PCDHGB4: variants seen among roughly 807,000 people sequenced by gnomAD.
PCDHGB4 encodes protocadherin gamma-B4.
Under a neutral mutation model 60.5 loss-of-function variants are expected in PCDHGB4, and 38 were observed. The ratio of observed to expected loss-of-function variants is 0.63; its 90% CI spans 0.48 to 0.82. The LOEUF is 0.82. Ranked by LOEUF, PCDHGB4 falls within the 40% of genes least tolerant of loss-of-function variation. PCDHGB4 has a pLI of 0.00. For synonymous variants in PCDHGB4, 456 were observed against 509.7 expected, an observed-to-expected ratio of 0.89 and a Z score of 1.42; for missense variants, 1,109 against 1,209.6, an observed-to-expected ratio of 0.92 and a Z score of 1.23.
In PCDHGB4 at chr5:141,485,186, G is replaced by T; in HGVS notation, c.2398-9621G>T. ...GCGGGCGGCAGCAATGCTCCGCAAG[G>T]TGAGAAGCTGGACAGAAATCTGGCG... On this transcript the variant is annotated intron_variant, in intron 1 of 3. Coordinates refer to ENST00000519479, the MANE Select transcript of PCDHGB4 (RefSeq NM_003736.4). This position sits in a 1 kb window ranked among gnomAD's most constrained non-coding sequence, Gnocchi z 5.7. 1 of 1,613,706 alleles carries T rather than the reference G, an allele frequency of 6.2e-7. No individual in the cohort carries two copies. The highest frequency in any genetic ancestry group is 8.5e-7 in the Non-Finnish European group (1 of 1,179,644).
intron 1 of PCDHGB4, chr5:141,394,860 G>C (rs750446579): frequency 5.0e-6 from 8 of 1,613,674 alleles, no homozygotes; most frequent in Non-Finnish European, 5.9e-6. Flanking sequence ...GCCTTCGGTC[G>C]ACCCGAACGA....
At position 141,431,735 on chromosome 5, in the gene PCDHGB4, G is replaced by A. The variant is rs2097411908; in HGVS notation, c.2397+41454G>A. 1.2e-6 allele frequency: 2 copies of A among 1,614,118 alleles called. No homozygotes were observed. Among genetic ancestry groups the A allele is most frequent in the Non-Finnish European group, 1.7e-6 (2 of 1,180,056 alleles). On this transcript the variant is annotated intron_variant, in intron 1 of 3. Transcript: ENST00000519479. The surrounding 1 kb of genome is among the most constrained non-coding windows in gnomAD (Gnocchi z 4.8). ...GGAAGTGCAAGCAATGGATAATGCAGGATATTCTGCGCGAGCCAAAGTCCT... is the reference window on the plus strand; with the variant it reads ...GGAAGTGCAAGCAATGGATAATGCAAGATATTCTGCGCGAGCCAAAGTCCT...
chr5:141,401,654 G>T (rs566223613), intron 1 of PCDHGB4, among the ~76,000 whole-genome samples: 52 of 152,328 alleles, frequency 3.4e-4, no homozygotes, highest in Middle Eastern at 3.4e-3. Flanking sequence ...TAAATGACTG[G>T]ATGTTTTCTC....
In PCDHGB4 at chr5:141,476,445, T is replaced by G. The variant is rs2099391853; in HGVS notation, c.2398-18362T>G. 1 of 1,613,956 alleles carries G rather than the reference T, an allele frequency of 6.2e-7. No individual in the cohort carries two copies. The highest frequency in any genetic ancestry group is 1.7e-5 in the Admixed American group (1 of 60,008). The stretch of plus-strand genomic sequence containing the variant: ...CCCTCTTGCACTGTAACTCTGGAGT[T>G]GGTAGTGGAGAACCCGCTGGAGCTG... On this transcript the variant is annotated intron_variant, in intron 1 of 3. Coordinates refer to ENST00000519479, the MANE Select transcript of PCDHGB4 (RefSeq NM_003736.4). This position sits in a 1 kb window ranked among gnomAD's most constrained non-coding sequence, Gnocchi z 7.6.
In PCDHGB4 at chr5:141,485,974, A is replaced by G. The variant is rs755735500; in HGVS notation, c.2398-8833A>G. 1.9e-6 allele frequency: 3 copies of G among 1,614,108 alleles called. No homozygotes were observed. The highest frequency in any genetic ancestry group is 1.7e-5 in the Admixed American group (1 of 60,014). On this transcript the variant is annotated intron_variant, in intron 1 of 3. Coordinates refer to ENST00000519479, the MANE Select transcript of PCDHGB4 (RefSeq NM_003736.4). This position sits in a 1 kb window ranked among gnomAD's most constrained non-coding sequence, Gnocchi z 5.7. ...TGGTGCTCATCCAGCTCAATGCCTC[A>G]GACCCGGACCTGGGTCCCAGTGGTA...
At chr5:141,439,202 A>AG (rs1348445707) in intron 1 of PCDHGB4, among the ~76,000 whole-genome samples, 2 of 151,954 alleles carry the variant, frequency 1.3e-5, no homozygotes, top group African/African-American at 4.8e-5. Context: ...AAAAAAAAAA[A>AG]AAATCCATAT....
Position 141,485,660 on chromosome 5 carries a change from G to A in PCDHGB4, c.2398-9147G>A. On this transcript the variant is annotated intron_variant, in intron 1 of 3. Transcript: ENST00000519479. The surrounding 1 kb of genome is among the most constrained non-coding windows in gnomAD (Gnocchi z 5.7). ...GGAAAAGGCTCAGGATGCAGATGTG[G>A]GGAGCAATTCGATTAGCAGCTATAG... is the stretch of plus-strand genomic sequence containing the variant. 1 of 1,612,716 alleles carries A rather than the reference G, an allele frequency of 6.2e-7. No individual in the cohort carries two copies. Among genetic ancestry groups the A allele is most frequent in the Non-Finnish European group, 8.5e-7 (1 of 1,178,898 alleles).
chr5:141,433,379 CTAT>C (rs2097594474), intron 1 of PCDHGB4, among the ~76,000 whole-genome samples: 1 of 151,230 alleles, frequency 6.6e-6, no homozygotes, highest in Non-Finnish European at 1.5e-5. Context: ...ATCTATCTAT[CTAT>C]CTATCTATCT....
chr5:141,432,681 G>A lies in PCDHGB4; in HGVS notation c.2397+42400G>A, dbSNP rs147073234. 2.4e-3 allele frequency: 3,845 copies of A among 1,613,930 alleles called. 12 individuals carry two copies. Among genetic ancestry groups the A allele is most frequent in the Admixed American group, 6.0e-3 (358 of 60,016 alleles). On this transcript the variant is annotated intron_variant, in intron 1 of 3. Coordinates refer to ENST00000519479, the MANE Select transcript of PCDHGB4 (RefSeq NM_003736.4). This position sits in a 1 kb window ranked among gnomAD's most constrained non-coding sequence, Gnocchi z 6.0. Reference sequence around the variant, plus strand: ...CTGGACAGAGACGCGCTCAAGCAGAGCCTCGTAGTGGCCGTCCAGGACCAC... The same window carrying A: ...CTGGACAGAGACGCGCTCAAGCAGAACCTCGTAGTGGCCGTCCAGGACCAC...
chr5:141,399,584 C>A (rs765946308), intron 1 of PCDHGB4: 34 of 1,613,904 alleles, frequency 2.1e-5, no homozygotes, highest in Non-Finnish European at 2.6e-5. Context: ...GTCTCCTACT[C>A]TATCATGGCC....
chr5:141,481,503 G>A (rs1006282101), intron 1 of PCDHGB4, among the ~76,000 whole-genome samples: 3 of 152,236 alleles, frequency 2.0e-5, no homozygotes, highest in African/African-American at 7.2e-5. Context: ...TGCATGGTAT[G>A]TGAATTATGT....
chr5:141,411,299 G>C (rs1020908131), intron 1 of PCDHGB4: 1 of 152,284 alleles, frequency 6.6e-6, no homozygotes, highest in Non-Finnish European at 1.5e-5. Context: ...GACAGGCCCA[G>C]TGGCTCACAC....
chr5:141,393,331 G>A (rs2092730399), intron 1 of PCDHGB4: 1 of 1,613,860 alleles, frequency 6.2e-7, no homozygotes. Flanking sequence ...TACCAGCTCA[G>A]CCCCAATCAC....
Position 141,389,177 on chromosome 5 carries a change from C to T in PCDHGB4, c.1293C>T (p.Ser431=). 6.2e-7 allele frequency: 1 copy of T among 1,614,052 alleles called. No homozygotes were observed. ...CAGATCGGGGCAAGCCTCCCCTCTCCTCCAGTTCCAGCATCACCCTGCACA... is the reference window on the plus strand; with the variant it reads ...CAGATCGGGGCAAGCCTCCCCTCTCTTCCAGTTCCAGCATCACCCTGCACA... ...TATDRGKPPL[S]SSSSITLHIG... Residue 431 remains serine, a synonymous_variant, in exon 1 of 4, where the codon TCC becomes TCT. Transcript: ENST00000519479.
intron 1 of PCDHGB4, chr5:141,423,431 G>T: frequency 6.2e-7 from 1 of 1,614,010 alleles, no homozygotes; most frequent in South Asian, 1.1e-5. Context: ...GGGTTGGCAG[G>T]TATGCCCACG....
At chr5:141,479,685 G>C (rs749895405) in intron 1 of PCDHGB4, 2 of 152,130 alleles carry the variant, frequency 1.3e-5, no homozygotes, top group Non-Finnish European at 2.9e-5. Context: ...AGTCTTTTTG[G>C]TGCCTCCAGT....
Position 141,490,192 on chromosome 5 carries a change from A to C in PCDHGB4, c.2398-4615A>C. 1 of 1,614,182 alleles carries C rather than the reference A, an allele frequency of 6.2e-7. No homozygotes were observed. Among genetic ancestry groups the C allele is most frequent in the South Asian group, 1.1e-5 (1 of 91,082 alleles). On this transcript the variant is annotated intron_variant, in intron 1 of 3. Coordinates refer to ENST00000519479, the MANE Select transcript of PCDHGB4 (RefSeq NM_003736.4). The surrounding 1 kb of genome is among the most constrained non-coding windows in gnomAD (Gnocchi z 5.4). Reference sequence around the variant, plus strand: ...CTTTGAGGAGTCACGTTTCTATGAAATTCATGCAAGAGCCCGTGACCAGGG... The same window carrying C: ...CTTTGAGGAGTCACGTTTCTATGAACTTCATGCAAGAGCCCGTGACCAGGG...
At chr5:141,438,914 C>T (rs1249997741) in intron 1 of PCDHGB4, among the ~76,000 whole-genome samples, 1 of 151,906 alleles carries the variant, frequency 6.6e-6, no homozygotes, top group Non-Finnish European at 1.5e-5. Flanking sequence ...GATCCACCTG[C>T]CTTGGCCTCC....
intron 1 of PCDHGB4, chr5:141,397,905 G>C: frequency 1.5e-6 from 1 of 659,508 alleles, no homozygotes; most frequent in East Asian, 2.8e-5. Flanking sequence ...GCAGAGCTTG[G>C]CGCTCCAGAT....
Sources: gnomAD v4.1 joint callset for allele counts (sites outside exome capture counted in the v4.1 genomes callset) on GRCh38, gnomAD v4.1.1 for gene constraint, Gnocchi (gnomAD v3.1) non-coding constraint, MANE v1.5 for transcripts, NCBI Gene and HGNC (gene_info 2026-07-23, HGNC 2026-07-21) for gene names.